Variants in EFTUD2 observed in about 807,000 individuals in gnomAD.
EFTUD2 encodes elongation factor Tu GTP binding domain containing 2, also known as 116 kDa U5 small nuclear ribonucleoprotein component.
EFTUD2 carries 9 observed loss-of-function variants against 114.3 expected under a neutral mutation model. That is an observed-to-expected ratio of 0.08 (90% CI 0.05 to 0.14). The LOEUF (loss-of-function observed/expected upper bound fraction) is 0.14, where lower values mean the gene tolerates loss of function less well. Among genes scored for constraint, EFTUD2 ranks in the 10% least tolerant of loss-of-function variants. The pLI is 1.00. For missense variants in EFTUD2, 765 were observed against 1,241.2 expected (o/e 0.62, Z 5.76); for synonymous variants, 449 against 462.3 (o/e 0.97, Z 0.37).
Position 44,850,479 on chromosome 17 carries a change from AAC to A in EFTUD2, c.*793_*794del. ...TAATAAAGCAGTTTTGAGGAAAATC[AAC>A]AGACTCTTTTTCACTGGGGGAGAAC... On this transcript the variant is annotated 3_prime_UTR_variant, in exon 28 of 28. Coordinates refer to ENST00000426333, the MANE Select transcript of EFTUD2 (RefSeq NM_004247.4). 4 of 1,025,436 alleles carry A rather than the reference AAC, an allele frequency of 3.9e-6. No individual in the cohort carries two copies. The highest frequency in any genetic ancestry group is 6.0e-6 in the Non-Finnish European group (4 of 664,128). 63.5% of individuals were successfully genotyped at this position (1,025,436 alleles called of 1,614,324 possible). A position where few individuals can be genotyped will look rare whatever the true frequency, so the allele number is the denominator to read the frequency against.
At chr17:44,860,351 G>A in intron 17 of EFTUD2, 81 bp downstream of exon 17, 1 of 993,732 alleles carries the variant, frequency 1.0e-6, no homozygotes, top group South Asian at 1.3e-5. Flanking sequence ...AATGACTGTG[G>A]ATTAGTCCCG....
At position 44,860,508 on chromosome 17, in the gene EFTUD2, T is replaced by C. The variant is rs201386870; in HGVS notation, c.1643A>G (p.Asn548Ser). Reference sequence around the variant, plus strand: ...ATCAACACCTTCAATCAGAACCCAGTTGCCAGCAGGAACACGGTTCACCTC... The same window carrying C: ...ATCAACACCTTCAATCAGAACCCAGCTGCCAGCAGGAACACGGTTCACCTC... ...HIEVNRVPAG[N>S]WVLIEGVDQP... The change falls in exon 17 of 28, where the codon AAC becomes AGC. Residue 548 changes from asparagine to serine, a missense_variant. Coordinates refer to ENST00000426333, the MANE Select transcript of EFTUD2 (RefSeq NM_004247.4). The C allele has an allele frequency of 5.6e-6, 9 of 1,613,926 alleles. No homozygotes were observed. The highest frequency in any genetic ancestry group is 4.5e-5 in the East Asian group (2 of 44,904).
At position 44,850,426 on chromosome 17, in the gene EFTUD2, T is replaced by A; in HGVS notation, c.*848A>T. ...CCTATAGGAGCCGGGGCTGTCCAAC[T>A]CCCCTAACTCAATCCCTGGTACATT... is the stretch of plus-strand genomic sequence containing the variant. On this transcript the variant is annotated 3_prime_UTR_variant, in exon 28 of 28. Transcript: ENST00000426333. 6.6e-7 allele frequency: 1 copy of A among 1,523,750 alleles called. No homozygotes were observed. Among genetic ancestry groups the A allele is most frequent in the Non-Finnish European group, 9.1e-7 (1 of 1,101,638 alleles). The allele number at this position is 1,523,750 out of a possible 1,614,324, so 94.4% of individuals were successfully genotyped here.
rs374225702 is a variant in EFTUD2, at chr17:44,893,044, G to C, written c.105+1373C>G. Among the ~76,000 whole-genome samples, 135 of 152,034 alleles carry C rather than the reference G, an allele frequency of 8.9e-4. 1 individual carries two copies. The highest frequency in any genetic ancestry group is 3.1e-3 in the African/African-American group (130 of 41,470). On this transcript the variant is annotated intron_variant, in intron 2 of 27. Coordinates refer to ENST00000426333, the MANE Select transcript of EFTUD2 (RefSeq NM_004247.4). ...TGTCCACAGCATGCCCCTGACCTGT[G>C]GCTCAACCTAGTAATCCTATCAAGA...
intron 11 of EFTUD2, among the ~76,000 whole-genome samples, chr17:44,871,933 T>A (rs770999021): frequency 1.3e-5 from 2 of 152,160 alleles, no homozygotes; most frequent in Non-Finnish European, 2.9e-5. Flanking sequence ...TCTCTCACAG[T>A]GGGAATCTGG....
In EFTUD2 at chr17:44,885,243, C is replaced by A. The variant is rs374220796; in HGVS notation, c.350+13G>T. 4.4e-6 allele frequency: 7 copies of A among 1,607,402 alleles called. No individual in the cohort carries two copies. The highest frequency in any genetic ancestry group is 6.0e-6 in the Non-Finnish European group (7 of 1,174,880). On this transcript the variant is annotated intron_variant, in intron 4 of 27. Transcript: ENST00000426333. ...GCATTCCTGCAGAGAAGCTGAGAAA[C>A]CTTGTAACTTACTCCATCTCATACA... is the stretch of plus-strand genomic sequence containing the variant.
chr17:44,856,271 G>A (rs1280710098), intron 20 of EFTUD2, among the ~76,000 whole-genome samples: 2 of 151,998 alleles, frequency 1.3e-5, no homozygotes, highest in Non-Finnish European at 1.5e-5. Context: ...GCTCATGCCT[G>A]TAATCCCAGC....
At chr17:44,889,708 T>G (rs1221221847) in intron 2 of EFTUD2, among the ~76,000 whole-genome samples, 1 of 152,114 alleles carries the variant, frequency 6.6e-6, no homozygotes, top group Non-Finnish European at 1.5e-5. Context: ...CACAAAACCC[T>G]CCAGTGGTGA....
intron 2 of EFTUD2, among the ~76,000 whole-genome samples, chr17:44,889,233 G>A (rs892573338): frequency 1.3e-5 from 2 of 152,180 alleles, no homozygotes; most frequent in Admixed American, 1.3e-4. Flanking sequence ...AGAGGTCAGT[G>A]GTGACCTTGA....
chr17:44,858,323 A>T (rs1211969210), intron 19 of EFTUD2, among the ~76,000 whole-genome samples: 1 of 152,046 alleles, frequency 6.6e-6, no homozygotes, highest in Non-Finnish European at 1.5e-5. Context: ...GCAGCCTCGA[A>T]CTGCTGGGCT....
At chr17:44,865,778 T>C (rs527377434) in intron 13 of EFTUD2, among the ~76,000 whole-genome samples, 39 of 152,276 alleles carry the variant, frequency 2.6e-4, no homozygotes, top group African/African-American at 7.7e-4. Context: ...TTTAGTCCCA[T>C]CTTTTAGGGA....
chr17:44,894,656 A>C, intron 1 of EFTUD2, 131 bp from the exon 2 acceptor site: 2 of 671,316 alleles, frequency 3.0e-6, no homozygotes, highest in Non-Finnish European at 5.3e-6. Context: ...CAGTGACATC[A>C]ACCTACTGAA....
At chr17:44,855,207 G>T (rs1375860769) in intron 20 of EFTUD2, among the ~76,000 whole-genome samples, 2 of 152,156 alleles carry the variant, frequency 1.3e-5, no homozygotes, top group African/African-American at 4.8e-5. Flanking sequence ...ATTTGAGGCT[G>T]CAGTGAGCTA....
intron 2 of EFTUD2, among the ~76,000 whole-genome samples, chr17:44,893,145 C>T (rs1355494108): frequency 6.0e-5 from 9 of 149,698 alleles, no homozygotes; most frequent in African/African-American, 9.8e-5. Context: ...TGTTTGAGAC[C>T]GAGTCTCACT....
At position 44,890,323 on chromosome 17, in the gene EFTUD2, G is replaced by A. The variant is rs115088421; in HGVS notation, c.106-3573C>T. Among the ~76,000 whole-genome samples the A allele has an allele frequency of 8.6e-3, 1,296 of 151,566 alleles. 21 individuals carry two copies. Among genetic ancestry groups the A allele is most frequent in the African/African-American group, 0.03 (1,227 of 41,324 alleles). On this transcript the variant is annotated intron_variant, in intron 2 of 27. Coordinates refer to ENST00000426333, the MANE Select transcript of EFTUD2 (RefSeq NM_004247.4). ...GCATGAGCCAACGCACCCAGCCTTAGAAGGGACATCTTTCTTTCCTGTCCC... is the reference window on the plus strand; with the variant it reads ...GCATGAGCCAACGCACCCAGCCTTAAAAGGGACATCTTTCTTTCCTGTCCC...
Position 44,860,997 on chromosome 17 carries a change from T to C in EFTUD2, c.1608-454A>G, listed in dbSNP as rs553586463. The stretch of plus-strand genomic sequence containing the variant: ...GGGGAGAGATACAGTAAACAATCAT[T>C]ATCCACACATGTATGTGGTTACAAA... On this transcript the variant is annotated intron_variant, in intron 16 of 27. Coordinates refer to ENST00000426333, the MANE Select transcript of EFTUD2 (RefSeq NM_004247.4). 8.9e-4 allele frequency among the ~76,000 whole-genome samples: 136 copies of C among 152,272 alleles called. No individual in the cohort carries two copies. In the South Asian group the frequency reaches 0.013, roughly 15 times the overall value.
intron 10 of EFTUD2, among the ~76,000 whole-genome samples, chr17:44,875,195 T>C (rs1187862642): frequency 6.6e-6 from 1 of 151,660 alleles, no homozygotes; most frequent in Non-Finnish European, 1.5e-5. Flanking sequence ...AGACTCCATC[T>C]CTACAAAAAA....
intron 2 of EFTUD2, among the ~76,000 whole-genome samples, chr17:44,891,014 TAA>T (rs1166429391): frequency 6.6e-6 from 1 of 151,998 alleles, no homozygotes; most frequent in Non-Finnish European, 1.5e-5. Context: ...TGTCTATCAC[TAA>T]GAGAGGAATG....
chr17:44,866,589 GGCTGGTCTTGAACTCCT>G (rs768286034), intron 13 of EFTUD2, among the ~76,000 whole-genome samples: 8 of 151,890 alleles, frequency 5.3e-5, no homozygotes, highest in Non-Finnish European at 1.0e-4. Flanking sequence ...ATGTTGCCCA[GGCTGGTCTTGAACTCCT>G]GGACTCAAGT....
Sources: gnomAD v4.1 joint callset for allele counts (sites outside exome capture counted in the v4.1 genomes callset) on GRCh38, gnomAD v4.1.1 for gene constraint, MANE v1.5 for transcripts, NCBI Gene and HGNC (gene_info 2026-07-23, HGNC 2026-07-21) for gene names.